The following SLC4A10 variants were observed in gnomAD, a reference collection of about 807,000 sequenced individuals.
SLC4A10 encodes the protein sodium-driven chloride bicarbonate exchanger.
Under a neutral mutation model 137.7 loss-of-function variants are expected in SLC4A10, and 42 were observed. That is an observed-to-expected ratio of 0.30 (90% CI 0.24 to 0.39). SLC4A10 has a LOEUF of 0.39. Among genes scored for constraint, SLC4A10 ranks in the 10% least tolerant of loss-of-function variants. SLC4A10 has a pLI of 1.00. For missense variants in SLC4A10, 925 were observed against 1,355.0 expected (o/e 0.68, Z 4.98); for synonymous variants, 474 against 464.1 (o/e 1.02, Z -0.27).
At chr2:161,950,914 ACTTC>A in intron 19 of SLC4A10, 66 bp downstream of exon 19, 3 of 1,305,110 alleles carry the variant, frequency 2.3e-6, no homozygotes, top group South Asian at 1.4e-5. Flanking sequence ...TGTTCATTTG[ACTTC>A]TATATTCTGT....
At chr2:161,836,000 G>A (rs1559357428) in intron 3 of SLC4A10, among the ~76,000 whole-genome samples, 1 of 152,198 alleles carries the variant, frequency 6.6e-6, no homozygotes, top group Admixed American at 6.5e-5. Context: ...ACATGTATGA[G>A]ACAAAGTGGA....
chr2:161,886,839 C>T (rs1448556191), intron 10 of SLC4A10, among the ~76,000 whole-genome samples: 1 of 151,924 alleles, frequency 6.6e-6, no homozygotes. Flanking sequence ...ATGTGCAGAA[C>T]GTGCAGGCTT....
chr2:161,893,139 T>C (rs2063090215), intron 10 of SLC4A10, among the ~76,000 whole-genome samples: 1 of 152,036 alleles, frequency 6.6e-6, no homozygotes, highest in Non-Finnish European at 1.5e-5. Flanking sequence ...TACACCCAAG[T>C]AGAATATACC....
chr2:161,961,879 G>T (rs1190501858), intron 21 of SLC4A10, among the ~76,000 whole-genome samples: 1 of 152,056 alleles, frequency 6.6e-6, no homozygotes, highest in East Asian at 1.9e-4. Flanking sequence ...CATCAATCTG[G>T]GGCACATGTT....
intron 18 of SLC4A10, among the ~76,000 whole-genome samples, chr2:161,950,287 C>A (rs1044536160): frequency 8.6e-5 from 13 of 152,030 alleles, no homozygotes; most frequent in African/African-American, 2.9e-4. Flanking sequence ...TTGTAAATTT[C>A]AATACATTTT....
chr2:161,743,640 C>T (rs1179129847), intron 1 of SLC4A10, among the ~76,000 whole-genome samples: 3 of 151,788 alleles, frequency 2.0e-5, no homozygotes, highest in African/African-American at 7.3e-5. Context: ...GTTCCATATA[C>T]ATTTTTGGAT....
At chr2:161,738,100 C>T (rs182324616) in intron 1 of SLC4A10, among the ~76,000 whole-genome samples, 3 of 152,202 alleles carry the variant, frequency 2.0e-5, no homozygotes, top group Admixed American at 1.3e-4. Context: ...TTCAAACAAC[C>T]ATGGACAGCC....
chr2:161,895,098 G>A (rs1188015785), intron 11 of SLC4A10, among the ~76,000 whole-genome samples: 1 of 132,714 alleles, frequency 7.5e-6, no homozygotes, highest in Admixed American at 9.2e-5. Flanking sequence ...AGAGTGTGAT[G>A]TTCCCCTTCC....
At chr2:161,770,360 C>T (rs1369765697) in intron 1 of SLC4A10, among the ~76,000 whole-genome samples, 1 of 151,896 alleles carries the variant, frequency 6.6e-6, no homozygotes, top group Non-Finnish European at 1.5e-5. Flanking sequence ...TCTCTATCCA[C>T]TCATTCTAAA....
At chr2:161,966,133 G>A (rs948887790) in intron 23 of SLC4A10, among the ~76,000 whole-genome samples, 5 of 152,094 alleles carry the variant, frequency 3.3e-5, no homozygotes, top group Admixed American at 1.3e-4. Flanking sequence ...CATTTAATGA[G>A]GTCAGATCAG....
intron 4 of SLC4A10, among the ~76,000 whole-genome samples, chr2:161,843,818 A>G (rs970168992): frequency 3.3e-5 from 5 of 152,130 alleles, no homozygotes; most frequent in Admixed American, 2.0e-4. Flanking sequence ...ACAAAAAGAT[A>G]TTTTATCAGC....
At chr2:161,932,094 T>A (rs1304531211) in intron 15 of SLC4A10, among the ~76,000 whole-genome samples, 1 of 152,150 alleles carries the variant, frequency 6.6e-6, no homozygotes, top group Non-Finnish European at 1.5e-5. Context: ...ACTCTTATGG[T>A]GTTGGGCCTT....
chr2:161,845,218 G>C (rs928708545), intron 4 of SLC4A10, among the ~76,000 whole-genome samples: 4 of 152,122 alleles, frequency 2.6e-5, no homozygotes, highest in Non-Finnish European at 5.9e-5. Context: ...GAACAGAAAA[G>C]AGAGATATAG....
intron 1 of SLC4A10, chr2:161,709,711 A>G (rs2044078725): frequency 6.6e-6 from 1 of 151,538 alleles, no homozygotes; most frequent in Admixed American, 6.6e-5. Context: ...ATTTTAAACT[A>G]TTTTCACCCA....
chr2:161,771,075 A>G (rs1291147343), intron 2 of SLC4A10, 21 bp downstream of exon 2: 12 of 1,526,036 alleles, frequency 7.9e-6, no homozygotes, highest in Admixed American at 5.4e-5. Flanking sequence ...TTTTCTTGGG[A>G]TAGCTATTGG....
At position 161,763,854 on chromosome 2, in the gene SLC4A10, T is replaced by C. The variant is rs2050522138; in HGVS notation, c.49-7119T>C. ...GGATATATGGTACATCATACTGTCG[T>C]AATAGCTAATAAAAAGGCAGAAATG... On this transcript the variant is annotated intron_variant, in intron 1 of 26. Transcript: ENST00000446997. 2.6e-5 allele frequency among the ~76,000 whole-genome samples: 4 copies of C among 152,234 alleles called. No homozygotes were observed. The South Asian group carries it at 6.2e-4, about 24-fold the overall frequency.
rs190891195 is a variant in SLC4A10 at position 161,629,730 on chromosome 2, T to C, written c.48+5164T>C. Among the ~76,000 whole-genome samples the C allele has an allele frequency of 3.8e-3, 574 of 152,054 alleles. 5 individuals carry two copies. Among genetic ancestry groups the C allele is most frequent in the African/African-American group, 0.013 (548 of 41,544 alleles). On this transcript the variant is annotated intron_variant, in intron 1 of 26. Coordinates refer to ENST00000446997, the MANE Select transcript of SLC4A10 (RefSeq NM_001178015.2). ...TCCCTCCCTTTCCACTAACCCCTGG[T>C]AACCACTGACTTTTTTACTTTCTTC...
At chr2:161,724,263 G>A (rs964458511) in intron 1 of SLC4A10, among the ~76,000 whole-genome samples, 9 of 152,040 alleles carry the variant, frequency 5.9e-5, no homozygotes, top group African/African-American at 1.9e-4. Context: ...CAGAATCAGG[G>A]GTTTGCCTAC....
At chr2:161,725,284 CT>C (rs1455064231) in intron 1 of SLC4A10, among the ~76,000 whole-genome samples, 2 of 152,150 alleles carry the variant, frequency 1.3e-5, no homozygotes, top group Non-Finnish European at 2.9e-5. Context: ...ACTCTTTCCA[CT>C]TTTTGTAGCT....
Sources: gnomAD v4.1 joint callset for allele counts (sites outside exome capture counted in the v4.1 genomes callset) on GRCh38, gnomAD v4.1.1 for gene constraint, MANE v1.5 for transcripts, NCBI Gene and HGNC (gene_info 2026-07-23, HGNC 2026-07-21) for gene names.